Variants in GPRIN3 observed in about 807,000 individuals in gnomAD.
The protein encoded by GPRIN3 is GPRIN family member 3, also known as G protein-regulated inducer of neurite outgrowth 3.
A neutral mutation model predicts 13.7 loss-of-function variants in GPRIN3; 12 were observed. The ratio of observed to expected loss-of-function variants is 0.87; its 90% CI spans 0.56 to 1.42. The LOEUF is 1.42. GPRIN3 is among the 40% of genes most tolerant of loss of function. The probability of loss-of-function intolerance (pLI) is 0.00; values close to 1 mark genes in which losing one functional copy is unlikely to be tolerated. For synonymous variants in GPRIN3, 377 were observed against 372.7 expected, an observed-to-expected ratio of 1.01 and a Z score of -0.13; for missense variants, 1,009 against 958.7, an observed-to-expected ratio of 1.05 and a Z score of -0.69.
intron 1 of GPRIN3, among the ~76,000 whole-genome samples, chr4:89,292,959 G>T (rs1724623228): frequency 6.6e-6 from 1 of 152,136 alleles, no homozygotes; most frequent in Non-Finnish European, 1.5e-5. Flanking sequence ...TTATATTGTA[G>T]GATGATGCAT....
chr4:89,263,556 T>C (rs13117636), intron 1 of GPRIN3, among the ~76,000 whole-genome samples: 58,998 of 152,032 alleles, frequency 0.39, 11,591 homozygotes, highest in South Asian at 0.54. Context: ...TGTCCCTGTT[T>C]CCCCTTCTTC....
intron 1 of GPRIN3, among the ~76,000 whole-genome samples, chr4:89,304,683 CTGTTTTTTA>C (rs1354065539): frequency 3.3e-5 from 5 of 152,036 alleles, no homozygotes; most frequent in African/African-American, 1.2e-4. Context: ...TTTGTTCAGT[CTGTTTTTTA>C]CACTATCATA....
At chr4:89,256,154 C>T (rs2149261086) in intron 1 of GPRIN3, among the ~76,000 whole-genome samples, 1 of 152,204 alleles carries the variant, frequency 6.6e-6, no homozygotes, top group South Asian at 2.1e-4. Flanking sequence ...TCCTATGCTG[C>T]TTCCTTATTA....
intron 1 of GPRIN3, among the ~76,000 whole-genome samples, chr4:89,296,143 C>T (rs562566010): frequency 3.9e-5 from 6 of 152,092 alleles, no homozygotes; most frequent in African/African-American, 1.2e-4. Flanking sequence ...GTGTTACCTC[C>T]GGGAACAAAG....
chr4:89,266,990 T>C (rs888940843), intron 1 of GPRIN3, among the ~76,000 whole-genome samples: 5 of 152,032 alleles, frequency 3.3e-5, no homozygotes, highest in Non-Finnish European at 5.9e-5. Flanking sequence ...GTAGAGAAAA[T>C]ATATATGTAA....
At position 89,236,670 on chromosome 4, in the gene GPRIN3, T is replaced by C. The variant is rs1722801831; in HGVS notation, c.*11110A>G. Reference sequence around the variant, plus strand: ...TGGGGTCTGGTGGGAGGTGTTTTGGTTTACTCAGCCAAAGAATTTAGCTTC... The same window carrying C: ...TGGGGTCTGGTGGGAGGTGTTTTGGCTTACTCAGCCAAAGAATTTAGCTTC... On this transcript the variant is annotated 3_prime_UTR_variant, in exon 2 of 2. Transcript: ENST00000609438. The C allele has an allele frequency of 6.6e-6, 1 of 152,080 alleles. No individual in the cohort carries two copies. Among genetic ancestry groups the C allele is most frequent in the African/African-American group, 2.4e-5 (1 of 41,414 alleles). The allele number at this position is 152,080 out of a possible 1,614,324, so 9.4% of individuals were successfully genotyped here. A position where few individuals can be genotyped will look rare whatever the true frequency, so the allele number is the denominator to read the frequency against.
chr4:89,283,272 T>C (rs907216653), intron 1 of GPRIN3, among the ~76,000 whole-genome samples: 55 of 152,294 alleles, frequency 3.6e-4, no homozygotes, highest in African/African-American at 1.2e-3. Context: ...CTGTGGTGGG[T>C]TCTAGAGAGC....
intron 1 of GPRIN3, among the ~76,000 whole-genome samples, chr4:89,267,564 T>G (rs984435068): frequency 5.9e-5 from 9 of 152,208 alleles, no homozygotes; most frequent in Non-Finnish European, 1.0e-4. Context: ...AGCATTAAAA[T>G]ACCTTTTCTA....
chr4:89,276,568 C>T (rs1724099603), intron 1 of GPRIN3, among the ~76,000 whole-genome samples: 1 of 152,232 alleles, frequency 6.6e-6, no homozygotes, highest in Admixed American at 6.5e-5. Context: ...TAATCTGTTA[C>T]ACATGAGACA....
chr4:89,271,464 T>C (rs996160501), intron 1 of GPRIN3, among the ~76,000 whole-genome samples: 10 of 152,190 alleles, frequency 6.6e-5, no homozygotes, highest in African/African-American at 2.4e-4. Context: ...TATTTGCATA[T>C]AACCTACACA....
At chr4:89,285,207 G>A (rs1724368986) in intron 1 of GPRIN3, among the ~76,000 whole-genome samples, 1 of 151,912 alleles carries the variant, frequency 6.6e-6, no homozygotes, top group Admixed American at 6.5e-5. Flanking sequence ...GGTCGGTTGG[G>A]GGGTCAGGGG....
At position 89,249,631 on chromosome 4, in the gene GPRIN3, T is replaced by G. The variant is rs769826875; in HGVS notation, c.480A>C (p.Arg160Ser). The change falls in exon 2 of 2, where the codon AGA (arginine) becomes AGC (serine). Residue 160 changes from arginine to serine, a missense_variant. Transcript: ENST00000609438. ...TCTCAGGTTGCTCTCTATTTGAGGT[T>G]CTCTGTGATCTCATCAGGGAATCTT... ...MPEDSLMRSQ[R>S]TSNREQPEKP... 4.3e-6 allele frequency: 7 copies of G among 1,614,060 alleles called. No homozygotes were observed. The highest frequency in any genetic ancestry group is 5.9e-6 in the Non-Finnish European group (7 of 1,180,028).
rs1722822204 is a variant in GPRIN3 at position 89,237,772 on chromosome 4, AG to A, written c.*10007del. The stretch of plus-strand genomic sequence containing the variant: ...AAAGGCAAACCCTTCACAAGAAACA[AG>A]AGGTATTTTGAGTTCACAATCAGTC... On this transcript the variant is annotated 3_prime_UTR_variant, in exon 2 of 2. Coordinates refer to ENST00000609438, the MANE Select transcript of GPRIN3 (RefSeq NM_198281.3). 1 of 152,222 alleles carries A rather than the reference AG, an allele frequency of 6.6e-6. No homozygotes were observed. The highest frequency in any genetic ancestry group is 2.4e-5 in the African/African-American group (1 of 41,458). 9.4% of individuals were successfully genotyped at this position (152,222 alleles called of 1,614,324 possible). A position where few individuals can be genotyped will look rare whatever the true frequency, so the allele number is the denominator to read the frequency against.
At chr4:89,251,465 C>G (rs1578074864) in intron 1 of GPRIN3, among the ~76,000 whole-genome samples, 1 of 152,238 alleles carries the variant, frequency 6.6e-6, no homozygotes, top group East Asian at 1.9e-4. Flanking sequence ...CCAACTCTAT[C>G]AACAGAAATA....
chr4:89,303,625 TC>T (rs762260713), intron 1 of GPRIN3, among the ~76,000 whole-genome samples: 211 of 96,828 alleles, frequency 2.2e-3, no homozygotes, highest in Middle Eastern at 0.012. Context: ...GTGAAGATGA[TC>T]AGGGGAGGAA....
chr4:89,282,009 G>C (rs1472597542), intron 1 of GPRIN3, among the ~76,000 whole-genome samples: 2 of 150,118 alleles, frequency 1.3e-5, no homozygotes, highest in African/African-American at 2.5e-5. Context: ...TGTAGAGAGT[G>C]AGTGGGTGCC....
Position 89,256,311 on chromosome 4 carries a change from A to C in GPRIN3, c.-123-6078T>G, listed in dbSNP as rs551949691. On this transcript the variant is annotated intron_variant, in intron 1 of 1. Transcript: ENST00000609438. The stretch of plus-strand genomic sequence containing the variant: ...TCCAGGGGCAGCCTAGATGGCATTA[A>C]CATCCACTACAGTGACATTCATAAC... 1.5e-3 allele frequency among the ~76,000 whole-genome samples: 227 copies of C among 152,308 alleles called. 1 individual carries two copies. Among genetic ancestry groups the C allele is most frequent in the African/African-American group, 5.3e-3 (219 of 41,572 alleles).
chr4:89,286,988 G>C (rs1724439232), intron 1 of GPRIN3, among the ~76,000 whole-genome samples: 1 of 152,096 alleles, frequency 6.6e-6, no homozygotes, highest in African/African-American at 2.4e-5. Context: ...GGTAACATAA[G>C]AAGACCCTGT....
rs555138697 is a variant in GPRIN3 at position 89,238,491 on chromosome 4, G to A, written c.*9289C>T. The stretch of plus-strand genomic sequence containing the variant: ...AGAGGCATCTAAGCCTGGACAATAA[G>A]GCAATCTAAGCGCCCTGGACCCCTA... On this transcript the variant is annotated 3_prime_UTR_variant, in exon 2 of 2. Coordinates refer to ENST00000609438, the MANE Select transcript of GPRIN3 (RefSeq NM_198281.3). The A allele has an allele frequency of 2.6e-5, 4 of 152,218 alleles. No homozygotes were observed. The highest frequency in any genetic ancestry group is 7.2e-5 in the African/African-American group (3 of 41,484). 9.4% of individuals were successfully genotyped at this position (152,218 alleles called of 1,614,324 possible).
Sources: gnomAD v4.1 joint callset for allele counts (sites outside exome capture counted in the v4.1 genomes callset) on GRCh38, gnomAD v4.1.1 for gene constraint, MANE v1.5 for transcripts, NCBI Gene and HGNC (gene_info 2026-07-23, HGNC 2026-07-21) for gene names.